SYT1: variants seen among roughly 807,000 people sequenced by gnomAD.
SYT1 encodes synaptotagmin 1.
A neutral mutation model predicts 44.8 loss-of-function variants in SYT1; 8 were observed. The ratio of observed to expected loss-of-function variants is 0.18; its 90% confidence interval spans 0.10 to 0.32. SYT1 has a LOEUF of 0.32. SYT1 is among the 10% of genes least tolerant of loss of function. SYT1 has a pLI of 1.00. For missense variants in SYT1, 286 were observed against 509.3 expected, an observed-to-expected ratio of 0.56 and a Z score of 4.22; for synonymous variants, 154 against 188.8, an observed-to-expected ratio of 0.82 and a Z score of 1.51.
At chr12:79,329,644 C>T (rs980863135) in intron 8 of SYT1, among the ~76,000 whole-genome samples, 2 of 152,060 alleles carry the variant, frequency 1.3e-5, no homozygotes, top group Non-Finnish European at 2.9e-5. Flanking sequence ...CCATTTTATA[C>T]AATAGGAAAC....
At chr12:78,894,900 A>G (rs1875271776) in intron 1 of SYT1, among the ~76,000 whole-genome samples, 1 of 151,622 alleles carries the variant, frequency 6.6e-6, no homozygotes, top group African/African-American at 2.4e-5. Flanking sequence ...AATTGCTAAA[A>G]AGTAGATTTT....
At chr12:79,241,633 C>A (rs1876519230) in intron 4 of SYT1, among the ~76,000 whole-genome samples, 1 of 151,898 alleles carries the variant, frequency 6.6e-6, no homozygotes, top group African/African-American at 2.4e-5. Context: ...TGACTAAGTA[C>A]AAAATAATTG....
chr12:78,982,496 T>G (rs1869337072), intron 2 of SYT1, among the ~76,000 whole-genome samples: 1 of 152,116 alleles, frequency 6.6e-6, no homozygotes, highest in Non-Finnish European at 1.5e-5. Context: ...ACCCCTCCTT[T>G]CCGTTCCATT....
At chr12:78,906,996 A>G (rs1876025576) in intron 1 of SYT1, among the ~76,000 whole-genome samples, 1 of 152,136 alleles carries the variant, frequency 6.6e-6, no homozygotes, top group South Asian at 2.1e-4. Context: ...TTATTTAAAG[A>G]TAAGATTTTC....
At chr12:79,244,498 G>A (rs1020459146) in intron 4 of SYT1, among the ~76,000 whole-genome samples, 7 of 152,124 alleles carry the variant, frequency 4.6e-5, no homozygotes, top group Non-Finnish European at 7.4e-5. Context: ...TTGAGGTCAG[G>A]AGTTCGAGAC....
At chr12:78,899,749 G>A (rs1430595523) in intron 1 of SYT1, among the ~76,000 whole-genome samples, 1 of 151,912 alleles carries the variant, frequency 6.6e-6, no homozygotes, top group Non-Finnish European at 1.5e-5. Context: ...AACACTATGT[G>A]AAAACTTTTT....
chr12:79,294,801 G>A (rs1400444848), intron 6 of SYT1, among the ~76,000 whole-genome samples: 3 of 151,742 alleles, frequency 2.0e-5, no homozygotes, highest in Non-Finnish European at 4.4e-5. Flanking sequence ...ATAATCCGAT[G>A]CCTATTTTAG....
At chr12:79,095,420 C>T (rs1878059507) in intron 3 of SYT1, among the ~76,000 whole-genome samples, 1 of 151,756 alleles carries the variant, frequency 6.6e-6, no homozygotes, top group Admixed American at 6.6e-5. Context: ...TTAAGGGTAA[C>T]AGTTATATTT....
intron 1 of SYT1, among the ~76,000 whole-genome samples, chr12:78,942,908 C>A (rs1878456650): frequency 6.6e-6 from 1 of 151,398 alleles, no homozygotes; most frequent in South Asian, 2.1e-4. Flanking sequence ...CCAAGTGAGA[C>A]CATGCAAAGA....
At chr12:79,224,041 T>G (rs1333643883) in intron 4 of SYT1, among the ~76,000 whole-genome samples, 1 of 152,216 alleles carries the variant, frequency 6.6e-6, no homozygotes. Context: ...CCAGTTACTG[T>G]GAGCTTTCAT....
chr12:79,241,441 T>C (rs2138653734), intron 4 of SYT1, among the ~76,000 whole-genome samples: 1 of 152,170 alleles, frequency 6.6e-6, no homozygotes, highest in South Asian at 2.1e-4. Context: ...CGGCTAATTT[T>C]TTGTATTTTT....
intron 9 of SYT1, among the ~76,000 whole-genome samples, chr12:79,357,655 G>A (rs867774920): frequency 5.6e-4 from 86 of 152,246 alleles, no homozygotes; most frequent in African/African-American, 2.0e-3. Flanking sequence ...GGTTACACAG[G>A]GCATGACTGT....
intron 1 of SYT1, among the ~76,000 whole-genome samples, chr12:78,880,196 C>G (rs1874377943): frequency 6.6e-6 from 1 of 151,684 alleles, no homozygotes; most frequent in East Asian, 1.9e-4. Flanking sequence ...CCATGTGGAC[C>G]AGAGCCTCAC....
chr12:79,067,355 T>C (rs1875943277), intron 3 of SYT1, among the ~76,000 whole-genome samples: 1 of 152,096 alleles, frequency 6.6e-6, no homozygotes, highest in African/African-American at 2.4e-5. Flanking sequence ...AGCAGAAAAA[T>C]AGTCATGGAA....
chr12:79,163,862 T>C (rs1279541906), intron 3 of SYT1, among the ~76,000 whole-genome samples: 1 of 151,920 alleles, frequency 6.6e-6, no homozygotes, highest in East Asian at 1.9e-4. Flanking sequence ...TCAAGGGGAG[T>C]ATTTTTCAAA....
chr12:79,105,603 G>T (rs931625177), intron 3 of SYT1, among the ~76,000 whole-genome samples: 1 of 152,180 alleles, frequency 6.6e-6, no homozygotes, highest in Non-Finnish European at 1.5e-5. Flanking sequence ...CAGTTTGGCC[G>T]GGCGTGGTGG....
At chr12:79,066,817 C>G (rs1161474066) in intron 3 of SYT1, among the ~76,000 whole-genome samples, 2 of 152,080 alleles carry the variant, frequency 1.3e-5, no homozygotes, top group African/African-American at 4.8e-5. Context: ...CTAGTTGGTT[C>G]CCCTTGCATA....
chr12:79,166,021 G>A (rs1421101292), intron 3 of SYT1, among the ~76,000 whole-genome samples: 3 of 151,818 alleles, frequency 2.0e-5, no homozygotes, highest in African/African-American at 7.2e-5. Context: ...AATGGAAAAG[G>A]CAAACCAAAG....
At chr12:79,053,530 C>T (rs1392565772) in intron 3 of SYT1, among the ~76,000 whole-genome samples, 1 of 149,224 alleles carries the variant, frequency 6.7e-6, no homozygotes, top group Non-Finnish European at 1.5e-5. Flanking sequence ...TAAAAAAATT[C>T]TTATATATAT....
Sources: gnomAD v4.1 joint callset for allele counts (sites outside exome capture counted in the v4.1 genomes callset) on GRCh38, gnomAD v4.1.1 for gene constraint, MANE v1.5 for transcripts, NCBI Gene and HGNC (gene_info 2026-07-23, HGNC 2026-07-21) for gene names.